SAMD8: variants seen among roughly 807,000 people sequenced by gnomAD.
The protein encoded by SAMD8 is sterile alpha motif domain containing 8, also known as sphingomyelin synthase-related protein 1.
SAMD8 carries 20 observed loss-of-function variants against 42.0 expected under a neutral mutation model. The observed-to-expected ratio is 0.48, with a 90% confidence interval of 0.34 to 0.69. The LOEUF (loss-of-function observed/expected upper bound fraction) is 0.69. Among genes scored for constraint, SAMD8 ranks in the 30% least tolerant of loss-of-function variants. The pLI is 0.01. For missense variants in SAMD8, 328 were observed against 511.6 expected, an observed-to-expected ratio of 0.64 and a Z score of 3.46; for synonymous variants, 162 against 173.0, an observed-to-expected ratio of 0.94 and a Z score of 0.50.
At chr10:75,134,917 C>T (rs1188240984) in intron 1 of SAMD8, among the ~76,000 whole-genome samples, 1 of 151,654 alleles carries the variant, frequency 6.6e-6, no homozygotes, top group Non-Finnish European at 1.5e-5. Context: ...AAAAATTAGC[C>T]AAGCATGATG....
chr10:75,151,842 A>G (rs1401679956), intron 2 of SAMD8, among the ~76,000 whole-genome samples: 1 of 152,124 alleles, frequency 6.6e-6, no homozygotes, highest in Non-Finnish European at 1.5e-5. Flanking sequence ...GCCCGCCACC[A>G]GGCCCAGCTA....
upstream of SAMD8, chr10:75,109,155 C>T (rs1042924856): frequency 3.2e-6 from 5 of 1,584,690 alleles, no homozygotes; most frequent in African/African-American, 6.8e-5. Flanking sequence ...AGGTCTCAGC[C>T]ATGGGCCAGC....
intron 1 of SAMD8, among the ~76,000 whole-genome samples, chr10:75,117,058 C>A (rs140665654): frequency 1.3e-5 from 2 of 151,910 alleles, no homozygotes; most frequent in Non-Finnish European, 2.9e-5. Flanking sequence ...GCATCCACCC[C>A]CCTTGGCCTC....
At chr10:75,147,376 G>C (rs533507842) in intron 1 of SAMD8, among the ~76,000 whole-genome samples, 1 of 152,038 alleles carries the variant, frequency 6.6e-6, no homozygotes, top group Non-Finnish European at 1.5e-5. Flanking sequence ...GCCCAGGCTG[G>C]AGTGCCGTGG....
intron 1 of SAMD8, among the ~76,000 whole-genome samples, chr10:75,135,672 A>C (rs1245527327): frequency 1.3e-5 from 2 of 151,288 alleles, no homozygotes; most frequent in African/African-American, 4.9e-5. Context: ...AAAAATACAA[A>C]AAAATTAACT....
intron 2 of SAMD8, among the ~76,000 whole-genome samples, chr10:75,157,435 T>TA (rs1365715008): frequency 2.0e-5 from 3 of 152,150 alleles, no homozygotes; most frequent in Admixed American, 6.5e-5. Flanking sequence ...AGGCTGGCCT[T>TA]AGGCCCTTGG....
chr10:75,126,185 G>T (rs1042178327), intron 1 of SAMD8, among the ~76,000 whole-genome samples: 1 of 151,626 alleles, frequency 6.6e-6, no homozygotes, highest in African/African-American at 2.4e-5. Context: ...CTCCTTTAAC[G>T]CTTAGCTCAA....
intron 2 of SAMD8, among the ~76,000 whole-genome samples, chr10:75,155,823 AGAAT>A (rs1829029057): frequency 6.6e-6 from 1 of 152,228 alleles, no homozygotes. Flanking sequence ...ATCATAGAAA[AGAAT>A]GAAGACAATT....
chr10:75,111,433 G>A (rs1286251792), upstream of SAMD8: 6 of 1,049,958 alleles, frequency 5.7e-6, no homozygotes, highest in Non-Finnish European at 7.3e-6. Context: ...TTTCCAGTGT[G>A]GGCCCCGCCC....
intron 2 of SAMD8, among the ~76,000 whole-genome samples, chr10:75,151,673 A>C (rs1197499859): frequency 6.6e-6 from 1 of 151,528 alleles, no homozygotes; most frequent in Non-Finnish European, 1.5e-5. Flanking sequence ...ATTTTTGTGT[A>C]GTTATAGCTC....
chr10:75,137,540 A>C (rs1296210888), intron 1 of SAMD8, among the ~76,000 whole-genome samples: 2 of 138,438 alleles, frequency 1.4e-5, no homozygotes, highest in Non-Finnish European at 3.1e-5. Flanking sequence ...ACTCCGTCTC[A>C]AAAAAAAAAA....
At position 75,179,404 on chromosome 10, in the gene SAMD8, C is replaced by A. The variant is rs1161935192; in HGVS notation, c.*2712C>A. ...ATAGCTATTAACCTCAGTCTTCTTT[C>A]CTTCATATAAATTCTATTCTAAGAC... On this transcript the variant is annotated 3_prime_UTR_variant, in exon 6 of 6. Coordinates refer to ENST00000542569, the MANE Select transcript of SAMD8 (RefSeq NM_001174156.2). The A allele has an allele frequency of 6.6e-6, 1 of 152,138 alleles. No individual in the cohort carries two copies. The highest frequency in any genetic ancestry group is 2.4e-5 in the African/African-American group (1 of 41,418). The allele number at this position is 152,138 out of a possible 1,614,324, so 9.4% of individuals were successfully genotyped here. A position where few individuals can be genotyped will look rare whatever the true frequency, so the allele number is the denominator to read the frequency against.
At chr10:75,137,227 G>A (rs1008898266) in intron 1 of SAMD8, among the ~76,000 whole-genome samples, 6 of 152,144 alleles carry the variant, frequency 3.9e-5, no homozygotes, top group Non-Finnish European at 7.4e-5. Context: ...CATAGAAGGG[G>A]ATATTATTCA....
chr10:75,182,055 A>G lies in SAMD8; in HGVS notation c.*5363A>G, dbSNP rs1298298563. 4 of 152,218 alleles carry G rather than the reference A, an allele frequency of 2.6e-5. No homozygotes were observed. Among genetic ancestry groups the G allele is most frequent in the Non-Finnish European group, 5.9e-5 (4 of 68,042 alleles). The allele number at this position is 152,218 out of a possible 1,614,324, so 9.4% of individuals were successfully genotyped here. A position where few individuals can be genotyped will look rare whatever the true frequency, so the allele number is the denominator to read the frequency against. ...AATTAAATCCAGATTTAACTAATATATATTATTTTATATCTTTGTTGTATT... is the reference window on the plus strand; with the variant it reads ...AATTAAATCCAGATTTAACTAATATGTATTATTTTATATCTTTGTTGTATT... On this transcript the variant is annotated 3_prime_UTR_variant, in exon 6 of 6. Transcript: ENST00000542569.
chr10:75,165,159 G>T (rs574368780), intron 3 of SAMD8, among the ~76,000 whole-genome samples: 5 of 152,186 alleles, frequency 3.3e-5, no homozygotes, highest in African/African-American at 4.8e-5. Context: ...GCGTGGTGGC[G>T]CATGCCTATA....
intron 1 of SAMD8, chr10:75,102,071 G>A: frequency 1.4e-6 from 1 of 694,528 alleles, no homozygotes; most frequent in South Asian, 1.5e-5. Flanking sequence ...CCAGTGCCAA[G>A]CACAGTCAGG....
At chr10:75,109,801 G>A (rs147526567), upstream of SAMD8, among the ~76,000 whole-genome samples, 473 of 122,966 alleles carry the variant, frequency 3.8e-3, 2 homozygotes, top group African/African-American at 0.013. Flanking sequence ...TTCATGGGGG[G>A]AGGGGGAAGG....
At chr10:75,137,989 T>G (rs2134455983) in intron 1 of SAMD8, among the ~76,000 whole-genome samples, 1 of 152,326 alleles carries the variant, frequency 6.6e-6, no homozygotes, top group African/African-American at 2.4e-5. Context: ...ACAAAGTTAG[T>G]GACTGAAACC....
chr10:75,115,695 CT>C (rs1442179384), intron 1 of SAMD8, among the ~76,000 whole-genome samples: 5 of 152,142 alleles, frequency 3.3e-5, no homozygotes, highest in Non-Finnish European at 7.3e-5. Context: ...AATCTCAGCA[CT>C]TTGGGAGGCC....
Sources: allele counts gnomAD v4.1 joint callset (sites outside exome capture counted in the v4.1 genomes callset), GRCh38; gene constraint gnomAD v4.1.1; transcripts MANE v1.5; gene names NCBI Gene and HGNC (gene_info 2026-07-23, HGNC 2026-07-21).